Variants in SLC8A3 observed in about 807,000 individuals in gnomAD.
SLC8A3 encodes solute carrier family 8 member A3.
A neutral mutation model predicts 65.4 loss-of-function variants in SLC8A3; 37 were observed. The ratio of observed to expected loss-of-function variants is 0.57; its 90% CI spans 0.44 to 0.74. The LOEUF (loss-of-function observed/expected upper bound fraction) is 0.74. Among genes scored for constraint, SLC8A3 ranks in the 30% least tolerant of loss-of-function variants. The pLI is 0.00. For synonymous variants in SLC8A3, 461 were observed against 444.5 expected (o/e 1.04, Z -0.47); for missense variants, 1,112 against 1,172.1 (o/e 0.95, Z 0.75).
At chr14:70,139,967 A>G (rs78269221) in intron 2 of SLC8A3, among the ~76,000 whole-genome samples, 2,078 of 152,270 alleles carry the variant, frequency 0.014, 46 homozygotes, top group African/African-American at 0.046. Flanking sequence ...AACTTGGTTA[A>G]CATCAGAGTA....
At chr14:70,086,014 C>T (rs1203693656) in intron 2 of SLC8A3, among the ~76,000 whole-genome samples, 3 of 152,200 alleles carry the variant, frequency 2.0e-5, no homozygotes, top group African/African-American at 7.2e-5. Context: ...ACTATACTGC[C>T]TTTCAAATGA....
Position 70,046,139 on chromosome 14 carries a change from G to C in SLC8A3, c.2574C>G (p.Ser858=). Residue 858 remains serine, a synonymous_variant, in exon 7 of 7, where the codon TCC becomes TCG. Coordinates refer to ENST00000356921, the MANE Select transcript of SLC8A3 (RefSeq NM_182932.3). This position sits in a 1 kb window ranked among gnomAD's most constrained non-coding sequence, Gnocchi z 4.2. ...FHVSAGTLAF[S]VTLFTIFAFV... ...ATGCAAAGATGGTGAAGAGGGTGAC[G>C]GAGAAGGCCAGTGTGCCGGCCGACA... 7 of 1,614,158 alleles carry C rather than the reference G, an allele frequency of 4.3e-6. No homozygotes were observed. The highest frequency in any genetic ancestry group is 5.1e-6 in the Non-Finnish European group (6 of 1,180,008).
intron 2 of SLC8A3, among the ~76,000 whole-genome samples, chr14:70,075,900 T>C (rs1246966111): frequency 6.6e-6 from 1 of 152,140 alleles, no homozygotes; most frequent in Non-Finnish European, 1.5e-5. Flanking sequence ...AGGTGCCCCA[T>C]CCCAGAGTTT....
chr14:70,045,020 T>G lies in SLC8A3; in HGVS notation c.*927A>C, dbSNP rs1245621267. On this transcript the variant is annotated 3_prime_UTR_variant, in exon 7 of 7. Coordinates refer to ENST00000356921, the MANE Select transcript of SLC8A3 (RefSeq NM_182932.3). ...TGTCGTCACACACCATTCCTATTTTTGTCCCATCTCTTCTATTTGGCGGGT... is the reference window on the plus strand; with the variant it reads ...TGTCGTCACACACCATTCCTATTTTGGTCCCATCTCTTCTATTTGGCGGGT... 1 of 152,230 alleles carries G rather than the reference T, an allele frequency of 6.6e-6. No individual in the cohort carries two copies. The highest frequency in any genetic ancestry group is 1.5e-5 in the Non-Finnish European group (1 of 68,052). The allele number at this position is 152,230 out of a possible 1,614,324, so 9.4% of individuals were successfully genotyped here.
chr14:70,073,349 A>T (rs796973518), intron 2 of SLC8A3, among the ~76,000 whole-genome samples: 1 of 152,178 alleles, frequency 6.6e-6, no homozygotes, highest in Non-Finnish European at 1.5e-5. Context: ...TCATCTCTGC[A>T]TGTGACTCAG....
At chr14:70,163,443 C>T (rs1254906324) in intron 2 of SLC8A3, among the ~76,000 whole-genome samples, 3 of 152,152 alleles carry the variant, frequency 2.0e-5, no homozygotes, top group Non-Finnish European at 2.9e-5. Flanking sequence ...CTGGCCTCAA[C>T]TTGATTATAT....
chr14:70,051,020 T>C lies in SLC8A3; in HGVS notation c.2101A>G (p.Thr701Ala). ...AGACACTTCTCACCTGCACTGACGGTGATGGCCTCCATGAACTGGTCCCTC... is the reference window on the plus strand; with the variant it reads ...AGACACTTCTCACCTGCACTGACGGCGATGGCCTCCATGAACTGGTCCCTC... ...SWRDQFMEAITVSAAGDEDED... is the reference protein window; with the variant it reads ...SWRDQFMEAIAVSAAGDEDED... The change falls in exon 5 of 7, where the codon ACC becomes GCC. Residue 701 changes from threonine to alanine, a missense_variant. Physicochemically the swap from Thr to Ala is moderately conservative, Grantham distance 58. Transcript: ENST00000356921. 1 of 1,610,754 alleles carries C rather than the reference T, an allele frequency of 6.2e-7. No individual in the cohort carries two copies. Among genetic ancestry groups the C allele is most frequent in the South Asian group, 1.1e-5 (1 of 91,016 alleles).
intron 1 of SLC8A3, among the ~76,000 whole-genome samples, chr14:70,183,704 T>C (rs1245965426): frequency 6.6e-6 from 1 of 152,178 alleles, no homozygotes; most frequent in Admixed American, 6.5e-5. Flanking sequence ...GAGACCTAAT[T>C]AGGGAAAAGA....
At chr14:70,160,070 A>G (rs1042815779) in intron 2 of SLC8A3, among the ~76,000 whole-genome samples, 79 of 152,376 alleles carry the variant, frequency 5.2e-4, no homozygotes, top group African/African-American at 1.8e-3. Context: ...AAAACAATAC[A>G]AATAAAAAAA....
At chr14:70,140,907 T>C (rs1895525256) in intron 2 of SLC8A3, among the ~76,000 whole-genome samples, 1 of 152,200 alleles carries the variant, frequency 6.6e-6, no homozygotes. Context: ...ATAAGCTACT[T>C]AAAAGCAGGA....
chr14:70,130,232 A>G lies in SLC8A3; in HGVS notation c.1784+36407T>C, dbSNP rs145893662. The stretch of plus-strand genomic sequence containing the variant: ...CTGAGCCCGCCTATGCATGCATTTT[A>G]GAAGAGATTTAATAACTTTCCTTAA... On this transcript the variant is annotated intron_variant, in intron 2 of 6. Coordinates refer to ENST00000356921, the MANE Select transcript of SLC8A3 (RefSeq NM_182932.3). Among the ~76,000 whole-genome samples, 77 of 152,382 alleles carry G rather than the reference A, an allele frequency of 5.1e-4. No individual in the cohort carries two copies. In the Middle Eastern group the frequency reaches 0.01, roughly 20 times the overall value.
At chr14:70,115,737 T>C (rs1339072689) in intron 2 of SLC8A3, among the ~76,000 whole-genome samples, 1 of 152,168 alleles carries the variant, frequency 6.6e-6, no homozygotes, top group Non-Finnish European at 1.5e-5. Context: ...GGCTGGGGTA[T>C]TTATGCTGGA....
At chr14:70,056,321 C>T (rs1321870509) in intron 3 of SLC8A3, among the ~76,000 whole-genome samples, 1 of 152,108 alleles carries the variant, frequency 6.6e-6, no homozygotes, top group Non-Finnish European at 1.5e-5. Context: ...GGAACAGTGC[C>T]CAGGTCTATG....
At chr14:70,145,950 AGGAAAAGAGG>A (rs1895898535) in intron 2 of SLC8A3, among the ~76,000 whole-genome samples, 1 of 143,442 alleles carries the variant, frequency 7.0e-6, no homozygotes, top group African/African-American at 2.5e-5. Context: ...GAAGGAAGGA[AGGAAAAGAGG>A]GAGGGAGGGA....
chr14:70,145,142 T>A (rs1290408159), intron 2 of SLC8A3, among the ~76,000 whole-genome samples: 1 of 152,254 alleles, frequency 6.6e-6, no homozygotes. Context: ...ATTCTTATTA[T>A]AAGATGTGGT....
At chr14:70,116,947 G>A (rs1893708959) in intron 2 of SLC8A3, among the ~76,000 whole-genome samples, 1 of 152,220 alleles carries the variant, frequency 6.6e-6, no homozygotes, top group Admixed American at 6.5e-5. Flanking sequence ...TTTTCAACAT[G>A]AATAAGCCAA....
At chr14:70,123,097 T>G (rs1595024254) in intron 2 of SLC8A3, among the ~76,000 whole-genome samples, 1 of 140,264 alleles carries the variant, frequency 7.1e-6, no homozygotes, top group African/African-American at 2.6e-5. Context: ...AAAAAAAAAT[T>G]GGCAGGGCAT....
intron 2 of SLC8A3, among the ~76,000 whole-genome samples, chr14:70,076,586 T>G (rs752169322): frequency 7.2e-5 from 11 of 152,204 alleles, no homozygotes; most frequent in Non-Finnish European, 1.5e-4. Context: ...TTGGCTGGTC[T>G]CCCTGACTCT....
chr14:70,174,640 G>T (rs1434339334), intron 1 of SLC8A3, among the ~76,000 whole-genome samples: 1 of 140,810 alleles, frequency 7.1e-6, no homozygotes, highest in Admixed American at 7.0e-5. Flanking sequence ...AAAGCCCCTT[G>T]GACCAAATCC....
Sources: allele counts gnomAD v4.1 joint callset (sites outside exome capture counted in the v4.1 genomes callset), GRCh38; gene constraint gnomAD v4.1.1; non-coding constraint Gnocchi (gnomAD v3.1); transcripts MANE v1.5; gene names NCBI Gene and HGNC (gene_info 2026-07-23, HGNC 2026-07-21).